Variants in DNAJC1 observed in about 807,000 individuals in gnomAD.
DNAJC1 encodes the protein DnaJ heat shock protein family (Hsp40) member C1.
A neutral mutation model predicts 76.6 loss-of-function variants in DNAJC1; 58 were observed. The observed-to-expected ratio is 0.76, with a 90% CI of 0.61 to 0.94. DNAJC1 has a LOEUF of 0.94. DNAJC1 is among the 40% of genes least tolerant of loss of function. DNAJC1 has a pLI of 0.00. For missense variants in DNAJC1, 689 were observed against 677.3 expected, an observed-to-expected ratio of 1.02 and a Z score of -0.19; for synonymous variants, 258 against 267.9, an observed-to-expected ratio of 0.96 and a Z score of 0.36.
chr10:21,849,321 T>TAAAAAAAA (rs1283566162), intron 8 of DNAJC1, among the ~76,000 whole-genome samples: 29 of 63,336 alleles, frequency 4.6e-4, no homozygotes, highest in African/African-American at 1.4e-3. Context: ...AAAAAAAAAG[T>TAAAAAAAA]AAATGCCTAC....
intron 1 of DNAJC1, among the ~76,000 whole-genome samples, chr10:21,972,889 T>C (rs2131829749): frequency 6.6e-6 from 1 of 152,196 alleles, no homozygotes; most frequent in East Asian, 1.9e-4. Context: ...AATAATATTT[T>C]CCAATAAAAT....
chr10:21,820,632 C>T (rs1247497330), intron 8 of DNAJC1, among the ~76,000 whole-genome samples: 1 of 152,170 alleles, frequency 6.6e-6, no homozygotes, highest in Non-Finnish European at 1.5e-5. Flanking sequence ...GTGTCAGATC[C>T]CACAGGACTC....
chr10:21,834,556 A>G (rs1397117593), intron 8 of DNAJC1, among the ~76,000 whole-genome samples: 1 of 152,162 alleles, frequency 6.6e-6, no homozygotes, highest in Non-Finnish European at 1.5e-5. Context: ...GGGGTCAGGG[A>G]ATTCCCTTTC....
chr10:21,933,469 C>G (rs1386481126), intron 1 of DNAJC1: 1 of 152,152 alleles, frequency 6.6e-6, no homozygotes, highest in Non-Finnish European at 1.5e-5. Flanking sequence ...AACTAGATGG[C>G]CATGTGCATG....
At chr10:21,771,322 T>C (rs1415380427) in intron 9 of DNAJC1, among the ~76,000 whole-genome samples, 1 of 152,224 alleles carries the variant, frequency 6.6e-6, no homozygotes, top group Non-Finnish European at 1.5e-5. Context: ...CAATGCTGAA[T>C]AGAAGAAGCA....
intron 1 of DNAJC1, among the ~76,000 whole-genome samples, chr10:21,995,049 G>A (rs930717834): frequency 1.3e-5 from 2 of 151,534 alleles, no homozygotes; most frequent in African/African-American, 2.4e-5. Flanking sequence ...AATCTTATCT[G>A]TTAACGAAAA....
chr10:21,995,274 G>A (rs898730303), intron 1 of DNAJC1, among the ~76,000 whole-genome samples: 24 of 152,032 alleles, frequency 1.6e-4, no homozygotes, highest in Non-Finnish European at 1.5e-4. Context: ...TTTCTTCATG[G>A]TCTATTCATA....
intron 1 of DNAJC1, among the ~76,000 whole-genome samples, chr10:21,934,246 T>A (rs1044862772): frequency 1.3e-5 from 2 of 151,604 alleles, no homozygotes; most frequent in African/African-American, 4.8e-5. Flanking sequence ...TAATTTTAAA[T>A]ATAGAAAAAA....
intron 3 of DNAJC1, among the ~76,000 whole-genome samples, chr10:21,926,260 CT>C (rs774374066): frequency 0.012 from 1,591 of 134,574 alleles, 4 homozygotes; most frequent in Non-Finnish European, 0.012. Flanking sequence ...CCAGCCTTTC[CT>C]TTTTTTTTTT....
intron 8 of DNAJC1, among the ~76,000 whole-genome samples, chr10:21,825,811 A>G (rs765243412): frequency 2.6e-5 from 4 of 152,238 alleles, no homozygotes; most frequent in Non-Finnish European, 5.9e-5. Context: ...ACTACTGAAC[A>G]TGAGTAAATC....
At chr10:21,913,741 C>T (rs919049972) in intron 6 of DNAJC1, among the ~76,000 whole-genome samples, 1 of 152,084 alleles carries the variant, frequency 6.6e-6, no homozygotes, top group Non-Finnish European at 1.5e-5. Context: ...TCTTCAAACC[C>T]ACCAGGAGAG....
chr10:21,908,458 G>A (rs1342685529), intron 6 of DNAJC1, among the ~76,000 whole-genome samples: 2 of 133,942 alleles, frequency 1.5e-5, no homozygotes, highest in Non-Finnish European at 3.1e-5. Flanking sequence ...AAGATAAATT[G>A]TTTTCAACCT....
chr10:21,944,286 T>A (rs1401632276), intron 1 of DNAJC1, among the ~76,000 whole-genome samples: 1 of 152,166 alleles, frequency 6.6e-6, no homozygotes, highest in Non-Finnish European at 1.5e-5. Context: ...AGAATAATAC[T>A]GGATGCTTTT....
At chr10:21,927,517 C>T (rs1837149112) in intron 3 of DNAJC1, among the ~76,000 whole-genome samples, 1 of 152,050 alleles carries the variant, frequency 6.6e-6, no homozygotes, top group Non-Finnish European at 1.5e-5. Context: ...ACTCTTGTAT[C>T]GTAGAACATT....
intron 9 of DNAJC1, among the ~76,000 whole-genome samples, chr10:21,791,880 G>C (rs1362800968): frequency 6.6e-6 from 1 of 151,872 alleles, no homozygotes; most frequent in Non-Finnish European, 1.5e-5. Flanking sequence ...GTTCAGAGTA[G>C]AAATAAAATT....
intron 8 of DNAJC1, among the ~76,000 whole-genome samples, chr10:21,834,578 A>G (rs1168016072): frequency 2.0e-5 from 3 of 152,156 alleles, no homozygotes; most frequent in Non-Finnish European, 2.9e-5. Context: ...TAGTCAAAGA[A>G]AGCAGTGACA....
chr10:21,791,294 G>A (rs908448890), intron 9 of DNAJC1, among the ~76,000 whole-genome samples: 1 of 152,152 alleles, frequency 6.6e-6, no homozygotes, highest in African/African-American at 2.4e-5. Flanking sequence ...CAACAGTTGG[G>A]AACTTTGACA....
chr10:21,817,908 G>A (rs1048808862), intron 8 of DNAJC1, among the ~76,000 whole-genome samples: 40 of 152,066 alleles, frequency 2.6e-4, no homozygotes, highest in African/African-American at 8.7e-4. Context: ...CGTCATTTTC[G>A]TAAGCTGAGG....
intron 1 of DNAJC1, among the ~76,000 whole-genome samples, chr10:21,979,549 C>T (rs768309840): frequency 6.6e-6 from 1 of 151,870 alleles, no homozygotes; most frequent in Non-Finnish European, 1.5e-5. Flanking sequence ...CCCATAGGTA[C>T]TGTTATTTTT....
Sources: gnomAD v4.1 joint callset for allele counts (sites outside exome capture counted in the v4.1 genomes callset) on GRCh38, gnomAD v4.1.1 for gene constraint, MANE v1.5 for transcripts, NCBI Gene and HGNC (gene_info 2026-07-23, HGNC 2026-07-21) for gene names.